The following PLBD2 variants were observed in gnomAD, a reference collection of about 807,000 sequenced individuals.
PLBD2 encodes the protein phospholipase B domain containing 2, also known as putative aminopeptidase PLBD2.
PLBD2 carries 51 observed loss-of-function variants against 68.3 expected under a neutral mutation model. The observed-to-expected ratio is 0.75, with a 90% CI of 0.60 to 0.94. PLBD2 has a LOEUF of 0.94. PLBD2 is among the 40% of genes least tolerant of loss of function. The pLI is 0.00. For missense variants in PLBD2, 729 were observed against 792.2 expected (o/e 0.92, Z 0.96); for synonymous variants, 314 against 339.3 (o/e 0.93, Z 0.82).
chr12:113,364,339 A>G (rs1336309009), intron 1 of PLBD2, among the ~76,000 whole-genome samples: 1 of 152,164 alleles, frequency 6.6e-6, no homozygotes, highest in East Asian at 1.9e-4. Flanking sequence ...GGTTTTACGC[A>G]GTTTGTCCGA....
In PLBD2 at chr12:113,384,860, C is replaced by G; in HGVS notation, c.1128C>G (p.Asn376Lys). 1 of 1,613,998 alleles carries G rather than the reference C, an allele frequency of 6.2e-7. No homozygotes were observed. Among genetic ancestry groups the G allele is most frequent in the Non-Finnish European group, 8.5e-7 (1 of 1,179,982 alleles). ...TTCCCCTGCCCGGCAGGTATAACAA[C>G]CAGTGGATGATCGTGGACTACAAGG... ...FKRFNSGTYN[N>K]QWMIVDYKAF... is the part of the protein sequence containing the mutation. Residue 376 changes from asparagine to lysine, a missense_variant, in exon 8 of 12, where the codon AAC (asparagine) becomes AAG (lysine). Asn to Lys is a moderately conservative substitution (Grantham distance 94, BLOSUM62 0). Transcript: ENST00000280800. The surrounding 1 kb of genome is among the most constrained non-coding windows in gnomAD (Gnocchi z 4.2).
chr12:113,358,804 C>G lies in PLBD2; in HGVS notation c.204C>G (p.Val68=), dbSNP rs1331528288. ...ASRSRSVLLD[V]SAGQLLMVDG... is the part of the protein sequence containing the mutation. ...GCAGCCGCTCGGTGCTCCTGGACGT[C>G]TCGGCGGGCCAGCTGCTTATGGTGG... The change falls in exon 1 of 12, where the codon GTC becomes GTG. Residue 68 remains valine (V), a synonymous_variant. Transcript: ENST00000280800. 8.7e-6 allele frequency: 13 copies of G among 1,489,158 alleles called. No individual in the cohort carries two copies. The highest frequency in any genetic ancestry group is 2.9e-5 in the African/African-American group (2 of 67,858). 92.2% of individuals were successfully genotyped at this position (1,489,158 alleles called of 1,614,324 possible).
In PLBD2 at chr12:113,384,103, A is replaced by G. The variant is rs566682397; in HGVS notation, c.958-2A>G. The G allele has an allele frequency of 6.2e-7, 1 of 1,603,200 alleles. No individual in the cohort carries two copies. The highest frequency in any genetic ancestry group is 1.3e-5 in the African/African-American group (1 of 74,826). On this transcript the variant is annotated splice_acceptor_variant, in intron 6 of 11. Coordinates refer to ENST00000280800, the MANE Select transcript of PLBD2 (RefSeq NM_173542.4). LOFTEE classifies it high-confidence loss of function. The surrounding 1 kb of genome is among the most constrained non-coding windows in gnomAD (Gnocchi z 4.2). Reference sequence around the variant, plus strand: ...GCAGCAGCCCCCTTGACCTTCCCACAGGTGACACTGGAGACCACCATTGGC... The same window carrying G: ...GCAGCAGCCCCCTTGACCTTCCCACGGGTGACACTGGAGACCACCATTGGC...
In PLBD2 at chr12:113,372,910, C is replaced by T. The variant is rs1215006701; in HGVS notation, c.543+103C>T. On this transcript the variant is annotated intron_variant, in intron 3 of 11. Transcript: ENST00000280800. The surrounding 1 kb of genome is among the most constrained non-coding windows in gnomAD (Gnocchi z 4.2). ...CTTGTGGCATGTCCAGCTGCCCAGC[C>T]GCCTCTGTTTCCATCATCATCTCCA... 2.7e-5 allele frequency: 37 copies of T among 1,361,372 alleles called. No homozygotes were observed. Among genetic ancestry groups the T allele is most frequent in the Admixed American group, 8.2e-5 (4 of 48,524 alleles). 84.3% of individuals were successfully genotyped at this position (1,361,372 alleles called of 1,614,324 possible).
chr12:113,387,689 C>T (rs1314956287), intron 10 of PLBD2, 55 bp from the exon 11 acceptor site: 6 of 1,567,898 alleles, frequency 3.8e-6, no homozygotes, highest in Admixed American at 1.7e-5. Flanking sequence ...TTTTGGCCCC[C>T]GTCTTAGCCT....
intron 1 of PLBD2, among the ~76,000 whole-genome samples, chr12:113,365,853 G>T (rs1957337868): frequency 6.6e-6 from 1 of 152,160 alleles, no homozygotes; most frequent in Non-Finnish European, 1.5e-5. Flanking sequence ...CACCTCTTCT[G>T]TGATGCCTTC....
intron 1 of PLBD2, among the ~76,000 whole-genome samples, chr12:113,361,275 G>T (rs1440272337): frequency 6.7e-6 from 1 of 149,074 alleles, no homozygotes; most frequent in Non-Finnish European, 1.5e-5. Flanking sequence ...GGATTATCAG[G>T]ATAAATTCTC....
In PLBD2 at chr12:113,380,836, T is replaced by C; in HGVS notation, c.951T>C (p.Ser317=). The C allele has an allele frequency of 1.3e-6, 2 of 1,554,244 alleles. No individual in the cohort carries two copies. Among genetic ancestry groups the C allele is most frequent in the African/African-American group, 2.7e-5 (2 of 73,440 alleles). Residue 317 remains serine, a synonymous_variant, in exon 6 of 12, where the codon AGT becomes AGC. Transcript: ENST00000280800. ...FSCDDFYILG[S]GLVTLETTIG... ...GCGACGACTTCTACATCCTGGGCAGTGGGCTGGTGAGTCCCTTTCTCATGT... is the reference window on the plus strand; with the variant it reads ...GCGACGACTTCTACATCCTGGGCAGCGGGCTGGTGAGTCCCTTTCTCATGT...
At chr12:113,385,324 C>T (rs1318465336) in intron 9 of PLBD2, 41 bp downstream of exon 9, 2 of 1,565,490 alleles carry the variant, frequency 1.3e-6, no homozygotes, top group Admixed American at 1.7e-5. Flanking sequence ...CCCTCCAGGG[C>T]ATCCACCTCA....
At chr12:113,368,844 G>A (rs904692193) in intron 1 of PLBD2, among the ~76,000 whole-genome samples, 18 of 152,306 alleles carry the variant, frequency 1.2e-4, no homozygotes, top group African/African-American at 4.3e-4. Context: ...TTGTTAGCTG[G>A]TGTTATTGTG....
chr12:113,374,739 A>G (rs1957423010), intron 4 of PLBD2, 54 bp from the exon 5 acceptor site: 4 of 1,582,700 alleles, frequency 2.5e-6, no homozygotes, highest in Admixed American at 3.3e-5. Flanking sequence ...AAATGAGTAC[A>G]TAACAGCACT....
At chr12:113,360,153 G>A (rs920994266) in intron 1 of PLBD2, among the ~76,000 whole-genome samples, 3 of 152,272 alleles carry the variant, frequency 2.0e-5, no homozygotes, top group Middle Eastern at 3.4e-3. Context: ...TGAGATTTGG[G>A]GGAGATATTT....
In PLBD2 at chr12:113,372,656, A is replaced by G. The variant is rs529862419; in HGVS notation, c.392A>G (p.Tyr131Cys). 4.3e-6 allele frequency: 7 copies of G among 1,613,814 alleles called. No homozygotes were observed. In the South Asian group the frequency reaches 7.7e-5, roughly 18 times the overall value. ...CCACCCCCTACCCCACAGCTCATCT[A>G]CATGCACTGGATGAACACGGTGGTG... ...VEAAVSEELI[Y>C]MHWMNTVVNY... Residue 131 changes from tyrosine (Y) to cysteine (C), a missense_variant, in exon 3 of 12, where the codon TAC (tyrosine) becomes TGC (cysteine). Tyr to Cys is a radical substitution (Grantham distance 194). Transcript: ENST00000280800. This position sits in a 1 kb window ranked among gnomAD's most constrained non-coding sequence, Gnocchi z 4.2.
intron 1 of PLBD2, among the ~76,000 whole-genome samples, chr12:113,363,362 G>A (rs1287580852): frequency 6.6e-6 from 1 of 151,980 alleles, no homozygotes; most frequent in African/African-American, 2.4e-5. Flanking sequence ...TTGAGTCCAG[G>A]TGAGGCTACA....
intron 1 of PLBD2, among the ~76,000 whole-genome samples, chr12:113,363,647 C>T (rs1034982930): frequency 1.3e-5 from 2 of 150,878 alleles, no homozygotes; most frequent in Admixed American, 6.6e-5. Context: ...ACGCCATTCT[C>T]CTGCCTCAGC....
intron 6 of PLBD2, among the ~76,000 whole-genome samples, chr12:113,381,359 T>C (rs1957488553): frequency 6.6e-6 from 1 of 152,066 alleles, no homozygotes; most frequent in Non-Finnish European, 1.5e-5. Flanking sequence ...TGTGTTGTTT[T>C]CATCTTTTTT....
chr12:113,379,863 T>G (rs892844233), intron 5 of PLBD2, among the ~76,000 whole-genome samples: 1 of 152,286 alleles, frequency 6.6e-6, no homozygotes, highest in African/African-American at 2.4e-5. Context: ...TGTCTATCTA[T>G]CTGAGTATAT....
In PLBD2 at chr12:113,384,822, G is replaced by A; in HGVS notation, c.1119-29G>A. The stretch of plus-strand genomic sequence containing the variant: ...AGCTGGGGAGGTGGCTCCAGGCTCT[G>A]TTCAGTCCTCCCTTCCCCTGCCCGG... On this transcript the variant is annotated intron_variant, in intron 7 of 11. Transcript: ENST00000280800. This position sits in a 1 kb window ranked among gnomAD's most constrained non-coding sequence, Gnocchi z 4.2. 1.9e-6 allele frequency: 3 copies of A among 1,600,062 alleles called. No homozygotes were observed. Among genetic ancestry groups the A allele is most frequent in the Non-Finnish European group, 1.7e-6 (2 of 1,167,764 alleles).
At chr12:113,381,067 A>G (rs1057470048) in intron 6 of PLBD2, among the ~76,000 whole-genome samples, 14 of 152,042 alleles carry the variant, frequency 9.2e-5, no homozygotes, top group Non-Finnish European at 1.6e-4. Flanking sequence ...GACCACCACA[A>G]GGGCGTGTTT....
Sources: allele counts gnomAD v4.1 joint callset (sites outside exome capture counted in the v4.1 genomes callset), GRCh38; gene constraint gnomAD v4.1.1; non-coding constraint Gnocchi (gnomAD v3.1); transcripts MANE v1.5; gene names NCBI Gene and HGNC (gene_info 2026-07-23, HGNC 2026-07-21).